The following APAF1 variants were observed in gnomAD, a reference collection of about 807,000 sequenced individuals.
The protein encoded by APAF1 is apoptotic protease-activating factor 1.
A neutral mutation model predicts 152.4 loss-of-function variants in APAF1; 91 were observed. That is an observed-to-expected ratio of 0.60 (90% confidence interval 0.50 to 0.71). The LOEUF is 0.71. Ranked by LOEUF, APAF1 falls within the 30% of genes least tolerant of loss-of-function variation. APAF1 has a pLI of 0.00. For synonymous variants in APAF1, 484 were observed against 494.1 expected (o/e 0.98, Z 0.27); for missense variants, 1,283 against 1,472.0 (o/e 0.87, Z 2.10).
At chr12:98,680,552 C>T (rs543769984) in intron 14 of APAF1, 150 bp downstream of exon 14, 28 of 882,584 alleles carry the variant, frequency 3.2e-5, no homozygotes, top group Non-Finnish European at 4.3e-5. Context: ...TCTGAAAATT[C>T]TTTACTTTTT....
chr12:98,724,237 G>C (rs973053918), intron 24 of APAF1, among the ~76,000 whole-genome samples: 5 of 152,206 alleles, frequency 3.3e-5, no homozygotes, highest in African/African-American at 1.2e-4. Context: ...GCTGTATCCT[G>C]TCTTTTGTGC....
Position 98,658,064 on chromosome 12 carries a change from G to C in APAF1, c.527-1096G>C, listed in dbSNP as rs543532908. Among the ~76,000 whole-genome samples the C allele has an allele frequency of 5.7e-4, 87 of 152,110 alleles. 1 individual carries two copies. The highest frequency in any genetic ancestry group is 1.6e-3 in the African/African-American group (67 of 41,526). ...GGTGTAATTTAATTCATTTATCTTT[G>C]AGTCTGTTTTTTGCTTTTTTTGGTA... On this transcript the variant is annotated intron_variant, in intron 4 of 26. Coordinates refer to ENST00000551964, the MANE Select transcript of APAF1 (RefSeq NM_181861.2).
intron 2 of APAF1, 41 bp from the exon 3 acceptor site, chr12:98,648,585 C>T: frequency 6.2e-7 from 1 of 1,609,744 alleles, no homozygotes; most frequent in Non-Finnish European, 8.5e-7. Context: ...ATGTTGCATA[C>T]ATATTCATTG....
chr12:98,657,937 G>T (rs902675147), intron 4 of APAF1, among the ~76,000 whole-genome samples: 1 of 152,166 alleles, frequency 6.6e-6, no homozygotes, highest in Non-Finnish European at 1.5e-5. Context: ...ATAGATCTTT[G>T]TGCATATATA....
intron 9 of APAF1, 125 bp downstream of exon 9, chr12:98,666,482 T>C: frequency 2.2e-6 from 2 of 895,490 alleles, no homozygotes; most frequent in Non-Finnish European, 3.4e-6. Context: ...TCCCCTAATA[T>C]TAACATTTTA....
chr12:98,724,421 T>C (rs189300695), intron 24 of APAF1, among the ~76,000 whole-genome samples: 264 of 151,394 alleles, frequency 1.7e-3, no homozygotes, highest in Non-Finnish European at 2.8e-3. Context: ...TTGAAACACC[T>C]ATTACCTAAC....
At chr12:98,710,815 A>G (rs967941942) in intron 20 of APAF1, among the ~76,000 whole-genome samples, 3 of 152,252 alleles carry the variant, frequency 2.0e-5, no homozygotes, top group Non-Finnish European at 4.4e-5. Context: ...GTGTAAGTTC[A>G]GACTTCTTTA....
intron 5 of APAF1, among the ~76,000 whole-genome samples, chr12:98,660,205 G>T (rs750738247): frequency 6.6e-6 from 1 of 152,004 alleles, no homozygotes; most frequent in Non-Finnish European, 1.5e-5. Flanking sequence ...AATTAATCTG[G>T]TGTGGTGGTA....
intron 10 of APAF1, 88 bp downstream of exon 10, chr12:98,667,732 GT>G: frequency 1.1e-6 from 1 of 942,664 alleles, no homozygotes. Flanking sequence ...GTTATTTTTT[GT>G]CTTGAATTTT....
chr12:98,681,501 C>CT (rs2097692197), intron 14 of APAF1, among the ~76,000 whole-genome samples: 1 of 152,166 alleles, frequency 6.6e-6, no homozygotes, highest in Non-Finnish European at 1.5e-5. Context: ...ACAGACCTTA[C>CT]TTTAACCCTT....
At chr12:98,648,232 C>A (rs1415788261) in intron 1 of APAF1, 87 bp from the exon 2 acceptor site, 9 of 1,292,662 alleles carry the variant, frequency 7.0e-6, no homozygotes, top group African/African-American at 1.5e-5. Context: ...CAGTTTTGTT[C>A]TTTTTACGTT....
Position 98,715,506 on chromosome 12 carries a change from C to T in APAF1, c.3038C>T (p.Ala1013Val). 1 of 1,613,436 alleles carries T rather than the reference C, an allele frequency of 6.2e-7. No individual in the cohort carries two copies. The highest frequency in any genetic ancestry group is 8.5e-7 in the Non-Finnish European group (1 of 1,179,712). The change falls in exon 22 of 27, where the codon GCC becomes GTC. Residue 1013 changes from alanine to valine, a missense_variant. By Grantham distance (64) the Ala-to-Val change is moderately conservative. Transcript: ENST00000551964. Reference protein sequence around the residue: ...KKTVWHIQFTADEKTLISSSD... With the variant: ...KKTVWHIQFTVDEKTLISSSD... ...ACTGTATGGCACATCCAGTTCACAG[C>T]CGATGAGAAGACTCTTATTTCAAGT...
chr12:98,732,321 G>A (rs1036163959), intron 26 of APAF1, 99 bp from the exon 27 acceptor site: 71 of 1,058,664 alleles, frequency 6.7e-5, no homozygotes, highest in Middle Eastern at 6.0e-4. Flanking sequence ...GCTTGAGTTC[G>A]GTTGGGGGGA....
At position 98,659,215 on chromosome 12, in the gene APAF1, G is replaced by C. The variant is rs747251439; in HGVS notation, c.582G>C (p.Gly194=). 6.2e-7 allele frequency: 1 copy of C among 1,614,210 alleles called. No individual in the cohort carries two copies. The highest frequency in any genetic ancestry group is 1.3e-5 in the African/African-American group (1 of 75,058). Reference sequence around the variant, plus strand: ...CAGTTGGGAAACAAGACAAATCTGGGCTTCTGATGAAACTGCAGAATCTTT... The same window carrying C: ...CAGTTGGGAAACAAGACAAATCTGGCCTTCTGATGAAACTGCAGAATCTTT... ...WVSVGKQDKS[G]LLMKLQNLCT... Residue 194 remains glycine (G), a synonymous_variant, in exon 5 of 27, where the codon GGG becomes GGC. Coordinates refer to ENST00000551964, the MANE Select transcript of APAF1 (RefSeq NM_181861.2).
chr12:98,698,976 G>C (rs1193485978), intron 16 of APAF1, among the ~76,000 whole-genome samples: 1 of 152,154 alleles, frequency 6.6e-6, no homozygotes, highest in East Asian at 1.9e-4. Flanking sequence ...GCTAGGTCAC[G>C]ACCTAACTTG....
chr12:98,678,814 AGT>A (rs1389900869), intron 13 of APAF1, among the ~76,000 whole-genome samples: 1 of 152,218 alleles, frequency 6.6e-6, no homozygotes, highest in Non-Finnish European at 1.5e-5. Flanking sequence ...TGCTTGGGGC[AGT>A]GCTGACATGC....
At chr12:98,717,112 C>T (rs561681794) in intron 22 of APAF1, among the ~76,000 whole-genome samples, 1 of 152,108 alleles carries the variant, frequency 6.6e-6, no homozygotes, top group South Asian at 2.1e-4. Context: ...TTGTGATCCG[C>T]CCGCCTCGGC....
intron 13 of APAF1, among the ~76,000 whole-genome samples, chr12:98,679,504 A>G (rs1270430020): frequency 6.6e-6 from 1 of 152,222 alleles, no homozygotes; most frequent in Admixed American, 6.5e-5. Flanking sequence ...AGAACTTGGG[A>G]TCCCACTGAA....
intron 1 of APAF1, among the ~76,000 whole-genome samples, chr12:98,647,459 G>T (rs1341718119): frequency 6.6e-6 from 1 of 151,500 alleles, no homozygotes; most frequent in Non-Finnish European, 1.5e-5. Flanking sequence ...TGCAACCTCT[G>T]CCGCCCTGGT....
Sources: gnomAD v4.1 joint callset for allele counts (sites outside exome capture counted in the v4.1 genomes callset) on GRCh38, gnomAD v4.1.1 for gene constraint, MANE v1.5 for transcripts, NCBI Gene and HGNC (gene_info 2026-07-23, HGNC 2026-07-21) for gene names.